Variants in FBXO44 observed in about 807,000 individuals in gnomAD.
FBXO44 encodes F-box only protein 44.
FBXO44 carries 25 observed loss-of-function variants against 33.5 expected under a neutral mutation model. The observed-to-expected ratio is 0.75, with a 90% confidence interval of 0.54 to 1.04. The LOEUF (loss-of-function observed/expected upper bound fraction) is 1.04, where lower values mean the gene tolerates loss of function less well. Ranked by LOEUF, FBXO44 falls within the 50% of genes least tolerant of loss-of-function variation. FBXO44 has a pLI of 0.00. For missense variants in FBXO44, 311 were observed against 344.0 expected, an observed-to-expected ratio of 0.90 and a Z score of 0.76; for synonymous variants, 147 against 152.8, an observed-to-expected ratio of 0.96 and a Z score of 0.28.
At chr1:11,659,001 G>A (rs909321208) in intron 5 of FBXO44, 130 bp downstream of exon 5, 21 of 1,207,026 alleles carry the variant, frequency 1.7e-5, no homozygotes, top group Non-Finnish European at 2.2e-5. Flanking sequence ...AGCTTCACTC[G>A]CTGTTTCTGT....
At position 11,659,972 on chromosome 1, in the gene FBXO44, C is replaced by G. The variant is rs528339627; in HGVS notation, c.624+1101C>G. ...GTAAAACTTTATTTATAAAAACAGG[C>G]AGTGGGCCTGCAGGCCATCGTTTGC... On this transcript the variant is annotated intron_variant, in intron 5 of 5. Transcript: ENST00000251547. Among the ~76,000 whole-genome samples, 3 of 152,324 alleles carry G rather than the reference C, an allele frequency of 2.0e-5. No individual in the cohort carries two copies. The South Asian group carries it at 6.2e-4, about 32-fold the overall frequency.
chr1:11,656,786 T>C (rs1639841584), intron 2 of FBXO44, among the ~76,000 whole-genome samples: 1 of 152,174 alleles, frequency 6.6e-6, no homozygotes, highest in East Asian at 1.9e-4. Context: ...TTAAGATTAT[T>C]TCCCCAGTGA....
chr1:11,658,349 A>T lies in FBXO44; in HGVS notation c.348A>T (p.Glu116Asp). ...ATCTCTCTCGAGACCAGAGGAAGGA[A>T]TTCCCCAATGACCAGGTCAAGAAAT... Reference protein sequence around the residue: ...VEDLSRDQRKEFPNDQVKKYF... With the variant: ...VEDLSRDQRKDFPNDQVKKYF... The change falls in exon 3 of 6, where the codon GAA becomes GAT. Residue 116 changes from glutamate to aspartate, a missense_variant. Physicochemically the swap from Glu to Asp is conservative, Grantham distance 45. Transcript: ENST00000251547. 1 of 1,613,468 alleles carries T rather than the reference A, an allele frequency of 6.2e-7. No homozygotes were observed. The highest frequency in any genetic ancestry group is 1.3e-5 in the African/African-American group (1 of 74,996).
rs150816569 is a variant in FBXO44, at chr1:11,658,802, C to G, written c.555C>G (p.His185Gln). 16 of 1,613,840 alleles carry G rather than the reference C, an allele frequency of 9.9e-6. No homozygotes were observed. Among genetic ancestry groups the G allele is most frequent in the Non-Finnish European group, 1.3e-5 (15 of 1,180,004 alleles). ...QLCVQLLSSA[H>Q]APLGTFQPDP... ...GCGTTCAGCTCCTGTCGTCCGCGCA[C>G]GCGCCTCTGGGGACCTTCCAGCCAG... Residue 185 changes from histidine to glutamine, a missense_variant, in exon 5 of 6, where the codon CAC (histidine) becomes CAG (glutamine). His to Gln is a conservative substitution (Grantham distance 24). Transcript: ENST00000251547.
In FBXO44 at chr1:11,661,061, G is replaced by T; in HGVS notation, c.625-69G>T. On this transcript the variant is annotated intron_variant, in intron 5 of 5. Coordinates refer to ENST00000251547, the MANE Select transcript of FBXO44 (RefSeq NM_033182.7). The surrounding 1 kb of genome is among the most constrained non-coding windows in gnomAD (Gnocchi z 4.4). The stretch of plus-strand genomic sequence containing the variant: ...GCCTCCCAAAGTACTGGGATTCCCG[G>T]TGTGAGCCGCCACACCCAGCCTGAG... The T allele has an allele frequency of 6.7e-7, 1 of 1,501,090 alleles. No individual in the cohort carries two copies. The highest frequency in any genetic ancestry group is 1.2e-5 in the South Asian group (1 of 80,812). 93.0% of individuals were successfully genotyped at this position (1,501,090 alleles called of 1,614,324 possible).
chr1:11,656,464 A>G (rs1343957388), intron 2 of FBXO44, among the ~76,000 whole-genome samples: 1 of 141,878 alleles, frequency 7.0e-6, no homozygotes, highest in East Asian at 2.1e-4. Flanking sequence ...CACCTGGCTA[A>G]TTTTTTTTTT....
Position 11,658,876 on chromosome 1 carries a change from G to C in FBXO44, c.624+5G>C. The C allele has an allele frequency of 1.9e-6, 3 of 1,604,858 alleles. No homozygotes were observed. Among genetic ancestry groups the C allele is most frequent in the Non-Finnish European group, 2.5e-6 (3 of 1,179,914 alleles). On this transcript the variant is annotated splice_donor_5th_base_variant and intron_variant, in intron 5 of 5. Coordinates refer to ENST00000251547, the MANE Select transcript of FBXO44 (RefSeq NM_033182.7). ...AGCGATGCCAAGTGGAGGGAGGTGC[G>C]TGGGCCTGGGGGACGGGGGCAGAGG...
Position 11,656,102 on chromosome 1 carries a change from T to TG in FBXO44, c.265+6dup, listed in dbSNP as rs1363204462. 6.2e-7 allele frequency: 1 copy of TG among 1,613,144 alleles called. No homozygotes were observed. Among genetic ancestry groups the TG allele is most frequent in the Non-Finnish European group, 8.5e-7 (1 of 1,179,262 alleles). On this transcript the variant is annotated splice_region_variant and intron_variant, in intron 2 of 5. Coordinates refer to ENST00000251547, the MANE Select transcript of FBXO44 (RefSeq NM_033182.7). ...TCCTGCACAACCCGTGCGCTGAAGGTGGGGTACAGGCCGGGTCTGGCATGC... is the reference window on the plus strand; with the variant it reads ...TCCTGCACAACCCGTGCGCTGAAGGTGGGGGTACAGGCCGGGTCTGGCATGC...
Position 11,661,909 on chromosome 1 carries a change from C to T in FBXO44, c.*636C>T, listed in dbSNP as rs1308723101. Reference sequence around the variant, plus strand: ...GTCCAGGTCGGGTGTGGACTGTCCTCACTGTCAGTGGAGCCCCAGAAGCTA... The same window carrying T: ...GTCCAGGTCGGGTGTGGACTGTCCTTACTGTCAGTGGAGCCCCAGAAGCTA... On this transcript the variant is annotated 3_prime_UTR_variant, in exon 6 of 6. Transcript: ENST00000251547. This position sits in a 1 kb window ranked among gnomAD's most constrained non-coding sequence, Gnocchi z 4.4. 1 of 152,818 alleles carries T rather than the reference C, an allele frequency of 6.5e-6. No individual in the cohort carries two copies. Among genetic ancestry groups the T allele is most frequent in the Non-Finnish European group, 1.5e-5 (1 of 68,554 alleles). The allele number at this position is 152,818 out of a possible 1,614,324, so 9.5% of individuals were successfully genotyped here.
rs2100663023 is a variant in FBXO44, at chr1:11,661,560, G to A, written c.*287G>A. 2 of 427,148 alleles carry A rather than the reference G, an allele frequency of 4.7e-6. No individual in the cohort carries two copies. Among genetic ancestry groups the A allele is most frequent in the South Asian group, 6.5e-5 (1 of 15,372 alleles). 26.5% of individuals were successfully genotyped at this position (427,148 alleles called of 1,614,324 possible). On this transcript the variant is annotated 3_prime_UTR_variant, in exon 6 of 6. Coordinates refer to ENST00000251547, the MANE Select transcript of FBXO44 (RefSeq NM_033182.7). This position sits in a 1 kb window ranked among gnomAD's most constrained non-coding sequence, Gnocchi z 4.4. ...GTGGGAGGTGCAGCATGTTCCCCTGGGCCCCTCAGAAAGTCGAGCTTGGAG... is the reference window on the plus strand; with the variant it reads ...GTGGGAGGTGCAGCATGTTCCCCTGAGCCCCTCAGAAAGTCGAGCTTGGAG...
At chr1:11,655,782 G>A in intron 1 of FBXO44, 24 bp from the exon 2 acceptor site, 2 of 1,598,726 alleles carry the variant, frequency 1.3e-6, no homozygotes, top group Non-Finnish European at 1.7e-6. Context: ...CAGGGATGAG[G>A]CCTGCAGCAT....
intron 4 of FBXO44, 32 bp downstream of exon 4, chr1:11,658,660 G>T (rs1478443211): frequency 1.2e-6 from 2 of 1,605,932 alleles, no homozygotes; most frequent in East Asian, 4.5e-5. Flanking sequence ...CTGGGGTGGG[G>T]CATGCCAATC....
chr1:11,662,424 A>T lies in FBXO44; in HGVS notation c.*1151A>T, dbSNP rs1048109099. 6.6e-6 allele frequency: 1 copy of T among 152,186 alleles called. No homozygotes were observed. Among genetic ancestry groups the T allele is most frequent in the African/African-American group, 2.4e-5 (1 of 41,420 alleles). The allele number at this position is 152,186 out of a possible 1,614,324, so 9.4% of individuals were successfully genotyped here. A position where few individuals can be genotyped will look rare whatever the true frequency, so the allele number is the denominator to read the frequency against. Reference sequence around the variant, plus strand: ...ATTTCAGGAACCAGGCCATCACAGAAACAGGTTCATGGGCAGACCCCTCAG... The same window carrying T: ...ATTTCAGGAACCAGGCCATCACAGATACAGGTTCATGGGCAGACCCCTCAG... On this transcript the variant is annotated 3_prime_UTR_variant, in exon 6 of 6. Transcript: ENST00000251547.
chr1:11,662,531 G>T lies in FBXO44; in HGVS notation c.*1258G>T, dbSNP rs192114065. The T allele has an allele frequency of 1.4e-4, 22 of 152,380 alleles. No individual in the cohort carries two copies. Among genetic ancestry groups the T allele is most frequent in the African/African-American group, 5.3e-4 (22 of 41,584 alleles). 9.4% of individuals were successfully genotyped at this position (152,380 alleles called of 1,614,324 possible). On this transcript the variant is annotated 3_prime_UTR_variant, in exon 6 of 6. Coordinates refer to ENST00000251547, the MANE Select transcript of FBXO44 (RefSeq NM_033182.7). ...CCCAGCCACAGGCTGGGGTTGGGGT[G>T]TGTGGACATCTCTGGGCAGCTCTTG...
In FBXO44 at chr1:11,658,891, G is replaced by A. The variant is rs553003864; in HGVS notation, c.624+20G>A. ...AGGGAGGTGCGTGGGCCTGGGGGAC[G>A]GGGGCAGAGGCAGATCGTCCAAGGC... is the stretch of plus-strand genomic sequence containing the variant. On this transcript the variant is annotated intron_variant, in intron 5 of 5. Transcript: ENST00000251547. 2.8e-5 allele frequency: 45 copies of A among 1,601,864 alleles called. No homozygotes were observed. The highest frequency in any genetic ancestry group is 1.3e-4 in the African/African-American group (10 of 75,064).
At chr1:11,658,451 T>G in intron 3 of FBXO44, 58 bp downstream of exon 3, 1 of 1,611,782 alleles carries the variant, frequency 6.2e-7, no homozygotes, top group Non-Finnish European at 8.5e-7. Flanking sequence ...CTGGGGTCTC[T>G]CCCACCCTGG....
chr1:11,662,087 T>A lies in FBXO44; in HGVS notation c.*814T>A, dbSNP rs1047613023. 2.6e-5 allele frequency: 4 copies of A among 152,124 alleles called. No homozygotes were observed. Among genetic ancestry groups the A allele is most frequent in the Admixed American group, 2.0e-4 (3 of 15,266 alleles). 9.4% of individuals were successfully genotyped at this position (152,124 alleles called of 1,614,324 possible). Reference sequence around the variant, plus strand: ...GGTAGGGGGTTTGAAGAATCCCCTGTCCACCTCCCAAATCCAGGCCCGGCC... The same window carrying A: ...GGTAGGGGGTTTGAAGAATCCCCTGACCACCTCCCAAATCCAGGCCCGGCC... On this transcript the variant is annotated 3_prime_UTR_variant, in exon 6 of 6. Coordinates refer to ENST00000251547, the MANE Select transcript of FBXO44 (RefSeq NM_033182.7).
chr1:11,657,602 G>A, intron 2 of FBXO44, among the ~76,000 whole-genome samples: 1 of 152,168 alleles, frequency 6.6e-6, no homozygotes, highest in Non-Finnish European at 1.5e-5. Flanking sequence ...TTAACCAGGT[G>A]TGGTGGCATG....
chr1:11,656,127 C>T (rs780091459), intron 2 of FBXO44, 27 bp downstream of exon 2: 56 of 1,608,050 alleles, frequency 3.5e-5, no homozygotes, highest in Non-Finnish European at 4.5e-5. Flanking sequence ...GTCTGGCATG[C>T]CTCCAGTACA....
Sources: gnomAD v4.1 joint callset for allele counts (sites outside exome capture counted in the v4.1 genomes callset) on GRCh38, gnomAD v4.1.1 for gene constraint, Gnocchi (gnomAD v3.1) non-coding constraint, MANE v1.5 for transcripts, NCBI Gene and HGNC (gene_info 2026-07-23, HGNC 2026-07-21) for gene names.